The following PLCG2 variants were observed in gnomAD, a reference collection of about 807,000 sequenced individuals.
The protein encoded by PLCG2 is 1-phosphatidylinositol 4,5-bisphosphate phosphodiesterase gamma-2.
PLCG2 carries 69 observed loss-of-function variants against 175.6 expected under a neutral mutation model. The ratio of observed to expected loss-of-function variants is 0.39; its 90% confidence interval spans 0.32 to 0.48. PLCG2 has a LOEUF of 0.48. PLCG2 is among the 20% of genes least tolerant of loss of function. The pLI, the probability that PLCG2 is intolerant of heterozygous loss-of-function variation, is 0.91. For synonymous variants in PLCG2, 827 were observed against 624.0 expected, an observed-to-expected ratio of 1.33 and a Z score of -4.85; for missense variants, 1,798 against 1,650.9, an observed-to-expected ratio of 1.09 and a Z score of -1.54.
rs1660036439 is a variant in PLCG2, at chr16:81,908,600, C to T, written c.1733+9C>T. On this transcript the variant is annotated intron_variant, in intron 17 of 32. Coordinates refer to ENST00000564138, the MANE Select transcript of PLCG2 (RefSeq NM_002661.5). ...TACACCCTGTCCTTCTGGTAATGCC[C>T]CCGACCCAGGGAACGCCTACCTTCT... The T allele has an allele frequency of 6.2e-7, 1 of 1,600,154 alleles. No individual in the cohort carries two copies. Among genetic ancestry groups the T allele is most frequent in the Non-Finnish European group, 8.5e-7 (1 of 1,172,720 alleles).
At chr16:81,784,739 G>T (rs1028495451) in intron 1 of PLCG2, among the ~76,000 whole-genome samples, 3 of 152,148 alleles carry the variant, frequency 2.0e-5, no homozygotes, top group Non-Finnish European at 4.4e-5. Context: ...TTTAGATGGT[G>T]GATACTGTTA....
intron 31 of PLCG2, among the ~76,000 whole-genome samples, chr16:81,949,700 A>G (rs1911291050): frequency 6.6e-6 from 1 of 152,266 alleles, no homozygotes; most frequent in East Asian, 1.9e-4. Context: ...TACATCTTAC[A>G]GGATGATGAC....
chr16:81,744,087 T>C (rs1438961467), intron 1 of PLCG2, among the ~76,000 whole-genome samples: 1 of 151,888 alleles, frequency 6.6e-6, no homozygotes, highest in East Asian at 1.9e-4. Context: ...CTCAAACTCC[T>C]GACCTCGTAA....
Position 81,908,417 on chromosome 16 carries a change from A to T in PLCG2, c.1559A>T (p.Asp520Val). The T allele has an allele frequency of 6.2e-7, 1 of 1,613,690 alleles. No homozygotes were observed. Among genetic ancestry groups the T allele is most frequent in the Non-Finnish European group, 8.5e-7 (1 of 1,179,788 alleles). ...EQTMEEEVPQ[D>V]IPPTELHFGE... ...ACCCCTCCTCTCTTTGCGGCCCAGGATATACCCCCTACAGAACTACATTTT... is the reference window on the plus strand; with the variant it reads ...ACCCCTCCTCTCTTTGCGGCCCAGGTTATACCCCCTACAGAACTACATTTT... The change falls in exon 17 of 33, where the codon GAT becomes GTT. Residue 520 changes from aspartate (D) to valine (V), a missense_variant and splice_region_variant. Physicochemically the swap from Asp to Val is radical, Grantham distance 152 (BLOSUM62 -3). Coordinates refer to ENST00000564138, the MANE Select transcript of PLCG2 (RefSeq NM_002661.5).
chr16:81,764,527 C>T (rs1384549317), intron 2 of PLCG2, among the ~76,000 whole-genome samples: 1 of 152,210 alleles, frequency 6.6e-6, no homozygotes, highest in African/African-American at 2.4e-5. Context: ...CGACACTGAT[C>T]ACTGGCCAAG....
chr16:81,879,107 C>G (rs1907956409), intron 7 of PLCG2, among the ~76,000 whole-genome samples: 1 of 151,990 alleles, frequency 6.6e-6, no homozygotes, highest in Non-Finnish European at 1.5e-5. Context: ...TTTTTCTGTG[C>G]TTTGTTGAAA....
chr16:81,882,631 G>A (rs976451358), intron 8 of PLCG2, among the ~76,000 whole-genome samples: 3 of 151,904 alleles, frequency 2.0e-5, no homozygotes, highest in South Asian at 2.1e-4. Context: ...GCGTTCCCTC[G>A]CTCCTACTCC....
intron 9 of PLCG2, among the ~76,000 whole-genome samples, chr16:81,886,944 T>C (rs903432380): frequency 3.4e-4 from 52 of 152,322 alleles, no homozygotes; most frequent in African/African-American, 1.2e-3. Flanking sequence ...TTATAACCCC[T>C]AGAATATTGA....
chr16:81,841,080 T>C (rs979442087), intron 2 of PLCG2, among the ~76,000 whole-genome samples: 4 of 152,226 alleles, frequency 2.6e-5, no homozygotes, highest in Non-Finnish European at 5.9e-5. Context: ...TCTCTTCACA[T>C]GGAAGCAGGA....
chr16:81,956,150 T>G (rs1453397768), intron 31 of PLCG2, among the ~76,000 whole-genome samples: 2 of 152,244 alleles, frequency 1.3e-5, no homozygotes, highest in African/African-American at 4.8e-5. Flanking sequence ...TGGCATCGTG[T>G]GATTTGTGAT....
chr16:81,763,093 T>A (rs1186721584), intron 2 of PLCG2, among the ~76,000 whole-genome samples: 1 of 151,964 alleles, frequency 6.6e-6, no homozygotes, highest in Non-Finnish European at 1.5e-5. Context: ...TAAGATAAAA[T>A]ACAAAAGATA....
chr16:81,818,984 A>C (rs182995104), intron 2 of PLCG2, among the ~76,000 whole-genome samples: 389 of 146,644 alleles, frequency 2.7e-3, no homozygotes, highest in Middle Eastern at 7.2e-3. Flanking sequence ...CAACACTGTC[A>C]TCTTATTTCA....
At chr16:81,787,042 A>G (rs1911001596) in intron 2 of PLCG2, among the ~76,000 whole-genome samples, 1 of 152,200 alleles carries the variant, frequency 6.6e-6, no homozygotes, top group Non-Finnish European at 1.5e-5. Context: ...TTGTTAATTA[A>G]TAATGATGTT....
intron 22 of PLCG2, among the ~76,000 whole-genome samples, chr16:81,924,075 C>G (rs1255147464): frequency 6.6e-6 from 1 of 152,230 alleles, no homozygotes; most frequent in African/African-American, 2.4e-5. Flanking sequence ...GTTCCATAGT[C>G]CCGTGCTGTG....
intron 31 of PLCG2, among the ~76,000 whole-genome samples, chr16:81,947,879 C>G (rs1911211181): frequency 6.6e-6 from 1 of 152,162 alleles, no homozygotes; most frequent in Non-Finnish European, 1.5e-5. Context: ...TATCTAACGA[C>G]CGTTACCATC....
At chr16:81,930,111 G>A (rs1369978688) in intron 24 of PLCG2, among the ~76,000 whole-genome samples, 1 of 152,146 alleles carries the variant, frequency 6.6e-6, no homozygotes, top group Non-Finnish European at 1.5e-5. Context: ...TGAGGTGGGT[G>A]GATCCCTTGA....
intron 2 of PLCG2, among the ~76,000 whole-genome samples, chr16:81,808,260 G>A (rs75139989): frequency 0.2 from 29,755 of 152,112 alleles, 2,990 homozygotes; most frequent in African/African-American, 0.22. Context: ...GGGCTACACT[G>A]TTTTGCATTT....
intron 2 of PLCG2, among the ~76,000 whole-genome samples, chr16:81,812,038 C>T (rs1417262579): frequency 6.8e-6 from 1 of 147,022 alleles, no homozygotes; most frequent in Non-Finnish European, 1.5e-5. Context: ...TCTGTTGTTT[C>T]CTGACTTTTT....
chr16:81,780,024 C>T (rs756095351), intron 1 of PLCG2, among the ~76,000 whole-genome samples: 1 of 152,190 alleles, frequency 6.6e-6, no homozygotes, highest in African/African-American at 2.4e-5. Context: ...GGGCATTACC[C>T]GCACAGCGCA....
Sources: gnomAD v4.1 joint callset for allele counts (sites outside exome capture counted in the v4.1 genomes callset) on GRCh38, gnomAD v4.1.1 for gene constraint, MANE v1.5 for transcripts, NCBI Gene and HGNC (gene_info 2026-07-23, HGNC 2026-07-21) for gene names.